Variants in CADPS2 observed in about 807,000 individuals in gnomAD.
The protein encoded by CADPS2 is calcium-dependent secretion activator 2.
In CADPS2, 93 loss-of-function variants were observed where a neutral mutation model predicts 172.5. The observed-to-expected ratio is 0.54, with a 90% CI of 0.46 to 0.64. The LOEUF is 0.64. CADPS2 is among the 30% of genes least tolerant of loss of function. The pLI, the probability that CADPS2 is intolerant of heterozygous loss-of-function variation, is 0.00. For missense variants in CADPS2, 1,420 were observed against 1,565.9 expected, an observed-to-expected ratio of 0.91 and a Z score of 1.57; for synonymous variants, 546 against 555.2, an observed-to-expected ratio of 0.98 and a Z score of 0.23.
At chr7:122,382,992 C>T (rs2043197405) in intron 24 of CADPS2, among the ~76,000 whole-genome samples, 1 of 151,986 alleles carries the variant, frequency 6.6e-6, no homozygotes, top group Non-Finnish European at 1.5e-5. Flanking sequence ...CTAAACCAAA[C>T]AAACGAAAAC....
At chr7:122,547,254 C>T (rs2063724900) in intron 8 of CADPS2, among the ~76,000 whole-genome samples, 1 of 152,052 alleles carries the variant, frequency 6.6e-6, no homozygotes, top group Non-Finnish European at 1.5e-5. Flanking sequence ...AGCCTCCCTG[C>T]AGACAGTAAT....
intron 28 of CADPS2, among the ~76,000 whole-genome samples, chr7:122,326,163 T>A (rs1353661222): frequency 6.6e-6 from 1 of 151,726 alleles, no homozygotes; most frequent in Non-Finnish European, 1.5e-5. Flanking sequence ...TTTAAAACCA[T>A]CTAAAATAAA....
At chr7:122,595,009 C>A (rs1427247630) in intron 6 of CADPS2, among the ~76,000 whole-genome samples, 2 of 151,896 alleles carry the variant, frequency 1.3e-5, no homozygotes, top group Admixed American at 6.6e-5. Flanking sequence ...CACAACTATA[C>A]TGTATACACC....
At chr7:122,746,791 G>T (rs2092736521) in intron 1 of CADPS2, among the ~76,000 whole-genome samples, 1 of 152,022 alleles carries the variant, frequency 6.6e-6, no homozygotes, top group Non-Finnish European at 1.5e-5. Context: ...ATTCTTATTT[G>T]ATTCTAGGTC....
At chr7:122,779,624 G>A (rs552038251) in intron 1 of CADPS2, among the ~76,000 whole-genome samples, 5 of 152,242 alleles carry the variant, frequency 3.3e-5, no homozygotes, top group African/African-American at 1.2e-4. Context: ...ATAGAACTGA[G>A]TATAGACTTC....
chr7:122,839,110 T>G (rs2140879531), intron 1 of CADPS2, among the ~76,000 whole-genome samples: 1 of 152,188 alleles, frequency 6.6e-6, no homozygotes, highest in African/African-American at 2.4e-5. Flanking sequence ...AACAGAGCCC[T>G]CAGAAATAAT....
intron 14 of CADPS2, among the ~76,000 whole-genome samples, chr7:122,451,877 A>G (rs1412541234): frequency 6.6e-6 from 1 of 152,188 alleles, no homozygotes; most frequent in African/African-American, 2.4e-5. Context: ...TCTCTTCCAA[A>G]TAATAATTCA....
chr7:122,412,556 G>T (rs1479112794), intron 19 of CADPS2, among the ~76,000 whole-genome samples: 1 of 152,172 alleles, frequency 6.6e-6, no homozygotes. Context: ...CCCAGCAAAT[G>T]AATCAACCAT....
intron 3 of CADPS2, among the ~76,000 whole-genome samples, chr7:122,640,556 A>C (rs1032335004): frequency 2.0e-5 from 3 of 152,036 alleles, no homozygotes; most frequent in African/African-American, 7.2e-5. Flanking sequence ...TAAAAGCCTG[A>C]ATGGACAAAA....
intron 9 of CADPS2, among the ~76,000 whole-genome samples, chr7:122,510,628 A>C (rs183802495): frequency 3.9e-5 from 6 of 152,304 alleles, no homozygotes. Context: ...CATTATCAAC[A>C]GAGCATCATT....
intron 8 of CADPS2, among the ~76,000 whole-genome samples, chr7:122,543,300 G>C (rs759163664): frequency 6.6e-6 from 1 of 151,982 alleles, no homozygotes; most frequent in Non-Finnish European, 1.5e-5. Flanking sequence ...AAATTTTCTA[G>C]TCTATGCTAT....
intron 1 of CADPS2, among the ~76,000 whole-genome samples, chr7:122,803,162 C>A (rs2139998906): frequency 6.6e-6 from 1 of 152,244 alleles, no homozygotes; most frequent in Middle Eastern, 3.4e-3. Flanking sequence ...AAAAAACATT[C>A]AAAATTATAA....
At chr7:122,741,013 A>G (rs895666892) in intron 1 of CADPS2, among the ~76,000 whole-genome samples, 1 of 152,178 alleles carries the variant, frequency 6.6e-6, no homozygotes, top group African/African-American at 2.4e-5. Context: ...ACACCTGCAC[A>G]TGTGAGAAAT....
chr7:122,866,894 T>C (rs934774276), intron 1 of CADPS2, among the ~76,000 whole-genome samples: 8 of 152,176 alleles, frequency 5.3e-5, no homozygotes, highest in Non-Finnish European at 1.0e-4. Flanking sequence ...TAAGCTAGCC[T>C]CTGCATACCT....
chr7:122,866,690 G>C (rs1818403451), intron 1 of CADPS2, among the ~76,000 whole-genome samples: 1 of 152,178 alleles, frequency 6.6e-6, no homozygotes, highest in Admixed American at 6.5e-5. Flanking sequence ...AAAAGGGCAA[G>C]ACTGTCTCAA....
In CADPS2 at chr7:122,490,297, A is replaced by G; in HGVS notation, c.1652-16T>C. 4 of 1,607,966 alleles carry G rather than the reference A, an allele frequency of 2.5e-6. No individual in the cohort carries two copies. The highest frequency in any genetic ancestry group is 3.4e-6 in the Non-Finnish European group (4 of 1,176,168). On this transcript the variant is annotated splice_polypyrimidine_tract_variant and intron_variant, in intron 10 of 29. Transcript: ENST00000449022. ...CCCTGAAGGCCTGTGGAGGAAACAA[A>G]AAGACATCATTAAAAATTTATAGGA...
intron 9 of CADPS2, among the ~76,000 whole-genome samples, chr7:122,497,826 C>T (rs1021136598): frequency 1.3e-5 from 2 of 152,070 alleles, no homozygotes; most frequent in Admixed American, 6.6e-5. Flanking sequence ...CTTACTCAGG[C>T]GTAATGGTTT....
At chr7:122,783,740 C>T (rs762506017) in intron 1 of CADPS2, among the ~76,000 whole-genome samples, 9 of 152,098 alleles carry the variant, frequency 5.9e-5, no homozygotes, top group African/African-American at 1.4e-4. Flanking sequence ...GTGGACTTTC[C>T]GAGTAAAAAC....
chr7:122,569,317 C>T (rs2066883242), intron 7 of CADPS2, among the ~76,000 whole-genome samples: 1 of 152,030 alleles, frequency 6.6e-6, no homozygotes, highest in Non-Finnish European at 1.5e-5. Context: ...AGGAATCCAG[C>T]TTACAAGGGA....
Sources: allele counts gnomAD v4.1 joint callset (sites outside exome capture counted in the v4.1 genomes callset), GRCh38; gene constraint gnomAD v4.1.1; transcripts MANE v1.5; gene names NCBI Gene and HGNC (gene_info 2026-07-23, HGNC 2026-07-21).